The following KIF13B variants were observed in gnomAD, a reference collection of about 807,000 sequenced individuals.
KIF13B encodes kinesin-like protein KIF13B.
KIF13B carries 127 observed loss-of-function variants against 222.0 expected under a neutral mutation model. The ratio of observed to expected loss-of-function variants is 0.57; its 90% CI spans 0.50 to 0.66. The LOEUF is 0.66. Among genes scored for constraint, KIF13B ranks in the 30% least tolerant of loss-of-function variants. The probability of loss-of-function intolerance (pLI) is 0.00; values close to 1 mark genes in which losing one functional copy is unlikely to be tolerated. For missense variants in KIF13B, 2,173 were observed against 2,379.0 expected, an observed-to-expected ratio of 0.91 and a Z score of 1.80; for synonymous variants, 976 against 919.0, an observed-to-expected ratio of 1.06 and a Z score of -1.12.
intron 1 of KIF13B, among the ~76,000 whole-genome samples, chr8:29,249,568 A>C (rs1477235497): frequency 6.6e-6 from 1 of 152,178 alleles, no homozygotes; most frequent in Non-Finnish European, 1.5e-5. Flanking sequence ...GTCCACTCTC[A>C]AGAAAGGTAA....
intron 16 of KIF13B, 131 bp downstream of exon 16, chr8:29,148,446 T>C: frequency 2.0e-6 from 1 of 501,978 alleles, no homozygotes; most frequent in Non-Finnish European, 3.4e-6. Flanking sequence ...TTGCCCAGGC[T>C]AAAGAGCAGT....
At chr8:29,127,342 C>T in intron 24 of KIF13B, 74 bp from the exon 25 acceptor site, 1 of 1,305,674 alleles carries the variant, frequency 7.7e-7, no homozygotes, top group Non-Finnish European at 1.1e-6. Context: ...GAGACCCCTA[C>T]AGGCTGATGT....
intron 4 of KIF13B, 73 bp from the exon 5 acceptor site, chr8:29,188,680 A>G (rs1180563181): frequency 2.3e-6 from 2 of 879,638 alleles, no homozygotes; most frequent in East Asian, 5.2e-5. Context: ...AAACAAAAAC[A>G]AAAATCTCAA....
intron 10 of KIF13B, among the ~76,000 whole-genome samples, chr8:29,173,003 C>T (rs932175412): frequency 6.6e-6 from 1 of 151,864 alleles, no homozygotes; most frequent in East Asian, 1.9e-4. Context: ...CAACCTCCGA[C>T]TCCCAGGTTC....
intron 2 of KIF13B, among the ~76,000 whole-genome samples, chr8:29,216,477 T>C (rs186735103): frequency 4.6e-3 from 695 of 152,230 alleles, no homozygotes; most frequent in Non-Finnish European, 7.9e-3. Flanking sequence ...CGGGTGCCTG[T>C]AGTCCCAGCT....
chr8:29,082,271 G>A (rs1807846563), intron 37 of KIF13B, among the ~76,000 whole-genome samples: 1 of 152,100 alleles, frequency 6.6e-6, no homozygotes. Flanking sequence ...GCCTATAAGT[G>A]AATGACACCA....
intron 2 of KIF13B, chr8:29,219,565 T>C (rs1287406827): frequency 6.6e-6 from 1 of 152,242 alleles, no homozygotes; most frequent in African/African-American, 2.4e-5. Context: ...AAGACTAGCC[T>C]TGGCAACATG....
intron 13 of KIF13B, among the ~76,000 whole-genome samples, chr8:29,160,245 CTCTTT>C (rs1322182648): frequency 2.0e-5 from 3 of 152,218 alleles, no homozygotes; most frequent in East Asian, 1.9e-4. Flanking sequence ...TATACTCTCT[CTCTTT>C]TAATAGATTG....
chr8:29,113,395 T>A, intron 32 of KIF13B, 68 bp downstream of exon 32: 2 of 907,156 alleles, frequency 2.2e-6, no homozygotes, highest in Non-Finnish European at 3.4e-6. Context: ...CATGGGTAGG[T>A]CACTTTTCAG....
chr8:29,221,550 G>A (rs1488546414), intron 2 of KIF13B, among the ~76,000 whole-genome samples: 4 of 151,818 alleles, frequency 2.6e-5, no homozygotes, highest in African/African-American at 9.7e-5. Flanking sequence ...AGGTAAAAAG[G>A]ATTGCACATA....
At chr8:29,250,699 T>C (rs1302521453) in intron 1 of KIF13B, among the ~76,000 whole-genome samples, 2 of 152,182 alleles carry the variant, frequency 1.3e-5, no homozygotes, top group African/African-American at 4.8e-5. Flanking sequence ...CAAAGGACTG[T>C]TGAGAATATG....
chr8:29,236,977 T>C, intron 2 of KIF13B, among the ~76,000 whole-genome samples: 1 of 152,140 alleles, frequency 6.6e-6, no homozygotes, highest in East Asian at 1.9e-4. Context: ...AATAACACCA[T>C]AAATTTAATG....
At chr8:29,160,965 G>T in intron 12 of KIF13B, 98 bp from the exon 13 acceptor site, 1 of 995,416 alleles carries the variant, frequency 1.0e-6, no homozygotes, top group Non-Finnish European at 1.5e-6. Context: ...CAATAGTGTT[G>T]TAATTCAAAT....
chr8:29,245,200 C>T, intron 2 of KIF13B, 146 bp downstream of exon 2: 2 of 660,178 alleles, frequency 3.0e-6, no homozygotes. Context: ...TTCATCTCTT[C>T]AACTTGAGTA....
intron 18 of KIF13B, among the ~76,000 whole-genome samples, chr8:29,143,651 G>A (rs1586836311): frequency 1.3e-5 from 2 of 152,094 alleles, no homozygotes; most frequent in Admixed American, 6.5e-5. Flanking sequence ...TTTGAGACCA[G>A]CCTGGCCAAT....
rs769227570 is a variant in KIF13B at position 29,142,195 on chromosome 8, G to A, written c.2296C>T (p.Leu766Phe). 1 of 1,613,360 alleles carries A rather than the reference G, an allele frequency of 6.2e-7. No homozygotes were observed. The highest frequency in any genetic ancestry group is 1.7e-5 in the Admixed American group (1 of 59,996). ...TCACACTCTTTCCACTCCTGATAAA[G>A]GTCTCTCATATCCAACAGCCTGTTG... ...LDNRLLDMRD[L>F]YQEWKECEED... is the part of the protein sequence containing the mutation. Residue 766 changes from leucine to phenylalanine, a missense_variant, in exon 19 of 40, where the codon CTT becomes TTT. Leu to Phe is a conservative substitution (Grantham distance 22). This residue lies in a region of KIF13B where 1,480 missense variants were observed against 1,722.8 expected (regional missense o/e 0.86). Coordinates refer to ENST00000524189, the MANE Select transcript of KIF13B (RefSeq NM_015254.4).
chr8:29,107,152 C>G (rs1809110221), intron 35 of KIF13B, among the ~76,000 whole-genome samples: 1 of 152,194 alleles, frequency 6.6e-6, no homozygotes, highest in African/African-American at 2.4e-5. Context: ...TCTTTCTTCT[C>G]ACAAATAATG....
chr8:29,109,426 ACACT>A lies in KIF13B; in HGVS notation c.4161+4_4161+7del. ...GGCACAGCACAGAGCTTGGTTCCAC[ACACT>A]CACTCTGTTCACATTTGGAGAACTG... On this transcript the variant is annotated splice_donor_5th_base_variant and intron_variant, in intron 34 of 39. Coordinates refer to ENST00000524189, the MANE Select transcript of KIF13B (RefSeq NM_015254.4). 1.2e-6 allele frequency: 2 copies of A among 1,609,940 alleles called. No homozygotes were observed. The highest frequency in any genetic ancestry group is 1.7e-6 in the Non-Finnish European group (2 of 1,176,274).
chr8:29,250,401 T>C (rs1465517125), intron 1 of KIF13B, among the ~76,000 whole-genome samples: 1 of 152,156 alleles, frequency 6.6e-6, no homozygotes, highest in Non-Finnish European at 1.5e-5. Flanking sequence ...CCCTACACCA[T>C]GCATATCATC....
Sources: allele counts gnomAD v4.1 joint callset (sites outside exome capture counted in the v4.1 genomes callset), GRCh38; gene constraint gnomAD v4.1.1; regional missense constraint gnomAD v4.1.1; transcripts MANE v1.5; gene names NCBI Gene and HGNC (gene_info 2026-07-23, HGNC 2026-07-21).